The following CACNB4 variants were observed in gnomAD, a reference collection of about 807,000 sequenced individuals.
CACNB4 encodes the protein voltage-dependent L-type calcium channel subunit beta-4.
In CACNB4, 32 loss-of-function variants were observed where a neutral mutation model predicts 71.2. That is an observed-to-expected ratio of 0.45 (90% CI 0.34 to 0.60). The LOEUF (loss-of-function observed/expected upper bound fraction) is 0.60, where lower values mean the gene tolerates loss of function less well. Ranked by LOEUF, CACNB4 falls within the 20% of genes least tolerant of loss-of-function variation. The probability of loss-of-function intolerance (pLI) is 0.01; values close to 1 mark genes in which losing one functional copy is unlikely to be tolerated. For missense variants in CACNB4, 464 were observed against 647.9 expected, an observed-to-expected ratio of 0.72 and a Z score of 3.08; for synonymous variants, 231 against 236.9, an observed-to-expected ratio of 0.97 and a Z score of 0.23.
At chr2:151,868,330 T>C (rs181385937) in intron 9 of CACNB4, 1 of 152,218 alleles carries the variant, frequency 6.6e-6, no homozygotes, top group African/African-American at 2.4e-5. Flanking sequence ...CTGGATGCAT[T>C]TGCCCATACT....
chr2:152,025,912 CAGAGCTGTGA>C (rs1683939623), intron 2 of CACNB4, among the ~76,000 whole-genome samples: 1 of 152,180 alleles, frequency 6.6e-6, no homozygotes, highest in Non-Finnish European at 1.5e-5. Context: ...AGAAAAACGT[CAGAGCTGTGA>C]AGAGCTGTGT....
rs2099873695 is a variant in CACNB4 at position 151,975,857 on chromosome 2, T to C, written c.148-92487A>G. 2.0e-5 allele frequency among the ~76,000 whole-genome samples: 3 copies of C among 152,226 alleles called. No homozygotes were observed. The South Asian group carries it at 6.2e-4, about 32-fold the overall frequency. ...TTACCACTTCAATTGCAAGTATAGATATTCCCCGATTGTGTTAAAATGGAC... is the reference window on the plus strand; with the variant it reads ...TTACCACTTCAATTGCAAGTATAGACATTCCCCGATTGTGTTAAAATGGAC... On this transcript the variant is annotated intron_variant, in intron 2 of 13. Transcript: ENST00000539935.
intron 2 of CACNB4, among the ~76,000 whole-genome samples, chr2:151,885,456 G>A (rs138290255): frequency 3.9e-5 from 6 of 152,178 alleles, no homozygotes; most frequent in Non-Finnish European, 8.8e-5. Context: ...TGAGCTGCAT[G>A]TGACATTAAA....
At chr2:152,091,582 G>T (rs1687976066) in intron 2 of CACNB4, among the ~76,000 whole-genome samples, 1 of 152,112 alleles carries the variant, frequency 6.6e-6, no homozygotes, top group Non-Finnish European at 1.5e-5. Flanking sequence ...AGCTTGCAGT[G>T]AGCCGAGATT....
intron 2 of CACNB4, among the ~76,000 whole-genome samples, chr2:151,940,311 A>G (rs1262124971): frequency 6.6e-6 from 1 of 152,212 alleles, no homozygotes; most frequent in African/African-American, 2.4e-5. Context: ...ATCTCCCCCA[A>G]AGAGGAACCT....
At chr2:151,952,063 T>C (rs1351181563) in intron 2 of CACNB4, among the ~76,000 whole-genome samples, 1 of 152,164 alleles carries the variant, frequency 6.6e-6, no homozygotes, top group East Asian at 1.9e-4. Flanking sequence ...CCTCAACTAC[T>C]CTTTTGAGAA....
intron 2 of CACNB4, among the ~76,000 whole-genome samples, chr2:152,036,871 C>G (rs925365285): frequency 2.0e-5 from 3 of 152,190 alleles, no homozygotes; most frequent in African/African-American, 7.2e-5. Flanking sequence ...TCTGCCATGA[C>G]ATGAGATTCC....
At chr2:151,986,930 C>A (rs951086628) in intron 2 of CACNB4, among the ~76,000 whole-genome samples, 8 of 152,046 alleles carry the variant, frequency 5.3e-5, no homozygotes, top group African/African-American at 1.7e-4. Flanking sequence ...TTTTTTCCCT[C>A]TCAGGTGCTC....
At chr2:152,096,657 C>A (rs957106954) in intron 2 of CACNB4, among the ~76,000 whole-genome samples, 1 of 152,044 alleles carries the variant, frequency 6.6e-6, no homozygotes, top group Non-Finnish European at 1.5e-5. Context: ...AAATTATTCC[C>A]AAAATTATTT....
intron 2 of CACNB4, among the ~76,000 whole-genome samples, chr2:151,911,469 G>A (rs1002340427): frequency 6.6e-6 from 1 of 151,854 alleles, no homozygotes; most frequent in African/African-American, 2.4e-5. Context: ...ATTTTGAGAT[G>A]TGTTCTATCA....
intron 2 of CACNB4, among the ~76,000 whole-genome samples, chr2:152,090,428 C>T (rs956723570): frequency 1.5e-4 from 23 of 151,966 alleles, no homozygotes; most frequent in African/African-American, 3.1e-4. Context: ...CCGAGGCGGG[C>T]GGATCACCTG....
chr2:152,049,533 TATA>T (rs1398959694), intron 2 of CACNB4, among the ~76,000 whole-genome samples: 2 of 152,186 alleles, frequency 1.3e-5, no homozygotes, highest in African/African-American at 4.8e-5. Flanking sequence ...TCTCATTCAT[TATA>T]ATGATTATTT....
intron 2 of CACNB4, among the ~76,000 whole-genome samples, chr2:152,059,625 C>G (rs548590436): frequency 3.7e-4 from 56 of 152,312 alleles, no homozygotes; most frequent in African/African-American, 1.3e-3. Flanking sequence ...TTTACAGGCT[C>G]ATAGGCAGAA....
At chr2:151,965,600 T>A (rs761703827) in intron 2 of CACNB4, among the ~76,000 whole-genome samples, 4 of 152,184 alleles carry the variant, frequency 2.6e-5, no homozygotes, top group Non-Finnish European at 4.4e-5. Context: ...TTTAAAATAT[T>A]TTTATATCAA....
chr2:151,879,760 C>T lies in CACNB4; in HGVS notation c.390+1040G>A, dbSNP rs930030940. 5 of 152,338 alleles carry T rather than the reference C, an allele frequency of 3.3e-5. No homozygotes were observed. In the South Asian group the frequency reaches 1.0e-3, roughly 32 times the overall value. 9.4% of individuals were successfully genotyped at this position (152,338 alleles called of 1,614,324 possible). ...CTCAATGTCACATCAAACTGCCAGA[C>T]TGAAGAGAAAATCACTGATCAACAA... is the stretch of plus-strand genomic sequence containing the variant. On this transcript the variant is annotated intron_variant, in intron 4 of 13. Coordinates refer to ENST00000539935, the MANE Select transcript of CACNB4 (RefSeq NM_000726.5).
chr2:151,887,075 C>T (rs936427511), intron 2 of CACNB4, among the ~76,000 whole-genome samples: 1 of 151,544 alleles, frequency 6.6e-6, no homozygotes, highest in Non-Finnish European at 1.5e-5. Flanking sequence ...AGTTAATGAT[C>T]AAAAAGAGAG....
chr2:152,060,713 G>A (rs1416486699), intron 2 of CACNB4, among the ~76,000 whole-genome samples: 2 of 151,830 alleles, frequency 1.3e-5, no homozygotes, highest in Non-Finnish European at 2.9e-5. Flanking sequence ...TCCAGCAACA[G>A]GGGCAAGTTA....
chr2:151,833,037 A>G lies in CACNB4; in HGVS notation c.*6082T>C, dbSNP rs1320074059. Reference sequence around the variant, plus strand: ...GCATGCCTTGTAGAATGCTACACATACCTAGATAAGAAAAATAAAAGGGGA... The same window carrying G: ...GCATGCCTTGTAGAATGCTACACATGCCTAGATAAGAAAAATAAAAGGGGA... On this transcript the variant is annotated 3_prime_UTR_variant, in exon 14 of 14. Coordinates refer to ENST00000539935, the MANE Select transcript of CACNB4 (RefSeq NM_000726.5). The G allele has an allele frequency of 2.0e-5, 3 of 152,142 alleles. No individual in the cohort carries two copies. The highest frequency in any genetic ancestry group is 4.4e-5 in the Non-Finnish European group (3 of 67,982). The allele number at this position is 152,142 out of a possible 1,614,324, so 9.4% of individuals were successfully genotyped here.
At chr2:152,021,823 A>G (rs1241622115) in intron 2 of CACNB4, among the ~76,000 whole-genome samples, 1 of 152,124 alleles carries the variant, frequency 6.6e-6, no homozygotes, top group Admixed American at 6.5e-5. Flanking sequence ...TCTTAATTCA[A>G]CTCTCACATC....
Sources: gnomAD v4.1 joint callset for allele counts (sites outside exome capture counted in the v4.1 genomes callset) on GRCh38, gnomAD v4.1.1 for gene constraint, MANE v1.5 for transcripts, NCBI Gene and HGNC (gene_info 2026-07-23, HGNC 2026-07-21) for gene names.